MGME1: variants seen among roughly 807,000 people sequenced by gnomAD.
MGME1 encodes the protein chromosome 20 open reading frame 72.
A neutral mutation model predicts 33.0 loss-of-function variants in MGME1; 22 were observed. That is an observed-to-expected ratio of 0.67 (90% confidence interval 0.48 to 0.95). The LOEUF (loss-of-function observed/expected upper bound fraction) is 0.95. Among genes scored for constraint, MGME1 ranks in the 40% least tolerant of loss-of-function variants. MGME1 has a pLI of 0.00. For missense variants in MGME1, 383 were observed against 397.8 expected (o/e 0.96, Z 0.32); for synonymous variants, 133 against 144.0 (o/e 0.92, Z 0.55).
intron 3 of MGME1, among the ~76,000 whole-genome samples, chr20:17,980,917 T>C (rs1262153711): frequency 7.2e-6 from 1 of 139,166 alleles, no homozygotes; most frequent in Non-Finnish European, 1.6e-5. Flanking sequence ...GTGCATTTGC[T>C]TAAAACTTTT....
At chr20:17,982,126 GTTTA>G (rs1235096356) in intron 3 of MGME1, among the ~76,000 whole-genome samples, 2 of 152,110 alleles carry the variant, frequency 1.3e-5, no homozygotes, top group African/African-American at 4.8e-5. Flanking sequence ...AGATTCATTT[GTTTA>G]TTTATTTTTT....
At chr20:17,969,751 A>G (rs1228066458) in intron 1 of MGME1, 50 bp from the exon 2 acceptor site, 4 of 1,153,986 alleles carry the variant, frequency 3.5e-6, no homozygotes, top group African/African-American at 3.1e-5. Flanking sequence ...TTGATGTGCA[A>G]TATCATTCTG....
intron 1 of MGME1, 125 bp downstream of exon 1, chr20:17,969,266 G>A (rs1377159960): frequency 6.6e-6 from 1 of 152,328 alleles, no homozygotes; most frequent in Non-Finnish European, 1.5e-5. Context: ...GGAGCGGGAG[G>A]CGACTTTTTG....
chr20:17,990,234 T>C lies in MGME1; in HGVS notation c.*125T>C. ...AGTGCTACACGAACACAAGTAGAAG[T>C]ATTAATTTGTTGAAATGTGTTGTTA... On this transcript the variant is annotated 3_prime_UTR_variant, in exon 5 of 5. Coordinates refer to ENST00000377710, the MANE Select transcript of MGME1 (RefSeq NM_052865.4). The C allele has an allele frequency of 1.2e-6, 1 of 817,034 alleles. No individual in the cohort carries two copies. Among genetic ancestry groups the C allele is most frequent in the Non-Finnish European group, 2.0e-6 (1 of 495,016 alleles). 50.6% of individuals were successfully genotyped at this position (817,034 alleles called of 1,614,324 possible).
At position 17,989,705 on chromosome 20, in the gene MGME1, CT is replaced by C. The variant is rs34413983; in HGVS notation, c.865-222del. On this transcript the variant is annotated intron_variant, in intron 4 of 4. Transcript: ENST00000377710. ...GCACTTTTCCACCCTCTTCTTGGGC[CT>C]TTTTTTTTTTTCAATGGCTCTGTAA... Among the ~76,000 whole-genome samples, 1,660 of 143,038 alleles carry C rather than the reference CT, an allele frequency of 0.012. 33 individuals carry two copies. Among genetic ancestry groups the C allele is most frequent in the African/African-American group, 0.038 (1,497 of 39,072 alleles). The allele number at this position is 143,038 out of a possible 152,430, so 93.8% of individuals were successfully genotyped here.
At chr20:17,983,267 T>TTG (rs1555791107) in intron 3 of MGME1, among the ~76,000 whole-genome samples, 12,443 of 142,610 alleles carry the variant, frequency 0.087, 531 homozygotes, top group Middle Eastern at 0.12. Flanking sequence ...TAGTGTTCTA[T>TTG]TGTGTGTGTG....
chr20:17,990,506 C>CAGA lies in MGME1; in HGVS notation c.*398_*399insGAA, dbSNP rs1286971132. The CAGA allele has an allele frequency of 6.9e-6, 2 of 290,862 alleles. No individual in the cohort carries two copies. Among genetic ancestry groups the CAGA allele is most frequent in the Admixed American group, 1.0e-4 (2 of 19,760 alleles). 18.0% of individuals were successfully genotyped at this position (290,862 alleles called of 1,614,324 possible). On this transcript the variant is annotated 3_prime_UTR_variant, in exon 5 of 5. Coordinates refer to ENST00000377710, the MANE Select transcript of MGME1 (RefSeq NM_052865.4). ...AGGGTGCCAAGATTTCCCCAGGGTT[C>CAGA]ACCCAGAGGGGAAGGGGCTACATGC...
intron 3 of MGME1, among the ~76,000 whole-genome samples, chr20:17,977,525 A>C (rs375654900): frequency 4.5e-4 from 69 of 152,332 alleles, no homozygotes; most frequent in African/African-American, 1.6e-3. Flanking sequence ...GAGGAGGAAC[A>C]CTTCCACCCT....
rs1292847992 is a variant in MGME1, at chr20:17,975,807, T to C, written c.635T>C (p.Ile212Thr). ...GGTTACATTGAAAGTGTCCAGCATA[T>C]TCTGAAAGATGTCAGTGGAGTGCGA... ...KSGYIESVQH[I>T]LKDVSGVRAL... The change falls in exon 3 of 5, where the codon ATT becomes ACT. Residue 212 changes from isoleucine (I) to threonine (T), a missense_variant. Coordinates refer to ENST00000377710, the MANE Select transcript of MGME1 (RefSeq NM_052865.4). The C allele has an allele frequency of 2.5e-6, 4 of 1,614,072 alleles. No homozygotes were observed. The Admixed American group carries it at 5.0e-5, about 20-fold the overall frequency.
chr20:17,981,606 G>C (rs2036019203), intron 3 of MGME1, among the ~76,000 whole-genome samples: 1 of 151,906 alleles, frequency 6.6e-6, no homozygotes, highest in Non-Finnish European at 1.5e-5. Context: ...CTCCCAAAGT[G>C]CTGGGATTAC....
At chr20:17,982,767 TAAA>T (rs917809666) in intron 3 of MGME1, among the ~76,000 whole-genome samples, 7 of 152,326 alleles carry the variant, frequency 4.6e-5, no homozygotes, top group South Asian at 4.1e-4. Flanking sequence ...ACTATGATGT[TAAA>T]AAATGTTTTT....
At position 17,970,359 on chromosome 20, in the gene MGME1, A is replaced by G. The variant is rs1216980371; in HGVS notation, c.500A>G (p.Glu167Gly). The G allele has an allele frequency of 3.7e-6, 6 of 1,609,600 alleles. No individual in the cohort carries two copies. The African/African-American group carries it at 6.7e-5, about 18-fold the overall frequency. The change falls in exon 2 of 5, where the codon GAA (glutamate) becomes GGA (glycine). Residue 167 changes from glutamate (E) to glycine (G), a missense_variant. Glu to Gly is a moderately conservative substitution (Grantham distance 98). Coordinates refer to ENST00000377710, the MANE Select transcript of MGME1 (RefSeq NM_052865.4). ...ILELGEDGFK[E>G]YTSNVFLQGK... ...GAACTGGGAGAAGATGGCTTTAAAG[A>G]ATACACTTCAAGTAATTATCTCAAT...
rs887676300 is a variant in MGME1, at chr20:17,990,315, C to T, written c.*206C>T. The T allele has an allele frequency of 2.4e-4, 138 of 575,404 alleles. No homozygotes were observed. The highest frequency in any genetic ancestry group is 3.5e-4 in the Non-Finnish European group (113 of 323,428). The allele number at this position is 575,404 out of a possible 1,614,324, so 35.6% of individuals were successfully genotyped here. A position where few individuals can be genotyped will look rare whatever the true frequency, so the allele number is the denominator to read the frequency against. The stretch of plus-strand genomic sequence containing the variant: ...ATATAAAGACCTAGACTTCGGCACG[C>T]GAAATCCCAGCTATGCTACCTCTTA... On this transcript the variant is annotated 3_prime_UTR_variant, in exon 5 of 5. Transcript: ENST00000377710.
At chr20:17,980,031 G>A (rs868383569) in intron 3 of MGME1, among the ~76,000 whole-genome samples, 7 of 151,920 alleles carry the variant, frequency 4.6e-5, no homozygotes, top group African/African-American at 1.4e-4. Flanking sequence ...ATGCCTGGCC[G>A]ATTTTGTTTT....
chr20:17,981,009 AC>A (rs1462321034), intron 3 of MGME1, among the ~76,000 whole-genome samples: 1 of 151,880 alleles, frequency 6.6e-6, no homozygotes, highest in African/African-American at 2.4e-5. Context: ...ATTCTGTTGA[AC>A]CACCCGTGGC....
At chr20:17,983,304 T>G (rs991930972) in intron 3 of MGME1, among the ~76,000 whole-genome samples, 7 of 151,868 alleles carry the variant, frequency 4.6e-5, no homozygotes, top group Admixed American at 2.0e-4. Flanking sequence ...TGTGTGTGTA[T>G]CCACATTTTC....
intron 3 of MGME1, among the ~76,000 whole-genome samples, chr20:17,984,490 C>T (rs1279869223): frequency 2.0e-5 from 3 of 151,984 alleles, no homozygotes; most frequent in Non-Finnish European, 2.9e-5. Context: ...CCTATTCAGT[C>T]ATATAAAAAC....
In MGME1 at chr20:17,988,158, C is replaced by T; in HGVS notation, c.732-8C>T. On this transcript the variant is annotated splice_polypyrimidine_tract_variant and splice_region_variant and intron_variant, in intron 3 of 4. Coordinates refer to ENST00000377710, the MANE Select transcript of MGME1 (RefSeq NM_052865.4). ...TACCTACAAAGTCTTCCTGTGGTTT[C>T]TCTTTAGGGGCAAGCTCTGTGTGAT... is the stretch of plus-strand genomic sequence containing the variant. The T allele has an allele frequency of 1.2e-6, 2 of 1,606,702 alleles. No individual in the cohort carries two copies. Among genetic ancestry groups the T allele is most frequent in the East Asian group, 4.5e-5 (2 of 44,736 alleles).
At chr20:17,968,702 T>G, upstream of MGME1, 3 of 486,400 alleles carry the variant, frequency 6.2e-6, no homozygotes, top group Non-Finnish European at 7.5e-6. Flanking sequence ...GGGCCTACCC[T>G]TGCTCCGCTC....
Sources: allele counts gnomAD v4.1 joint callset (sites outside exome capture counted in the v4.1 genomes callset), GRCh38; gene constraint gnomAD v4.1.1; transcripts MANE v1.5; gene names NCBI Gene and HGNC (gene_info 2026-07-23, HGNC 2026-07-21).